The following UBE4B variants were observed in gnomAD, a reference collection of about 807,000 sequenced individuals.
The protein encoded by UBE4B is ubiquitination factor E4B.
UBE4B carries 27 observed loss-of-function variants against 148.1 expected under a neutral mutation model. The observed-to-expected ratio is 0.18, with a 90% CI of 0.13 to 0.25. The LOEUF is 0.25. Ranked by LOEUF, UBE4B falls within the 10% of genes least tolerant of loss-of-function variation. The probability of loss-of-function intolerance (pLI) is 1.00; values close to 1 mark genes in which losing one functional copy is unlikely to be tolerated. For synonymous variants in UBE4B, 596 were observed against 619.3 expected (o/e 0.96, Z 0.56); for missense variants, 1,170 against 1,662.4 (o/e 0.70, Z 5.15).
chr1:10,142,436 C>T (rs985767028), intron 17 of UBE4B, among the ~76,000 whole-genome samples: 6 of 152,118 alleles, frequency 3.9e-5, no homozygotes, highest in South Asian at 2.1e-4. Flanking sequence ...ACTGGGAGGC[C>T]GAGGTGGGCA....
intron 16 of UBE4B, 137 bp downstream of exon 16, chr1:10,135,323 A>G (rs1645661717): frequency 3.2e-6 from 3 of 950,756 alleles, no homozygotes; most frequent in Non-Finnish European, 4.7e-6. Context: ...TTAATACAGT[A>G]GGCCTGGCGT....
chr1:10,036,936 A>C (rs1238153409), intron 1 of UBE4B, among the ~76,000 whole-genome samples: 1 of 152,206 alleles, frequency 6.6e-6, no homozygotes, highest in Non-Finnish European at 1.5e-5. Context: ...AGTCCGTGAA[A>C]AAGGCTGGTA....
At chr1:10,081,664 C>A (rs1392289249) in intron 2 of UBE4B, among the ~76,000 whole-genome samples, 1 of 152,004 alleles carries the variant, frequency 6.6e-6, no homozygotes, top group Non-Finnish European at 1.5e-5. Context: ...TCTTGGCTCG[C>A]TGCAACCTCC....
At chr1:10,151,622 C>A in intron 21 of UBE4B, 61 bp downstream of exon 21, 1 of 1,432,534 alleles carries the variant, frequency 7.0e-7, no homozygotes, top group Non-Finnish European at 9.7e-7. Flanking sequence ...TCATCTAAAG[C>A]TAGTGGACGA....
chr1:10,047,745 G>A lies in UBE4B; in HGVS notation c.24+14051G>A, dbSNP rs1401971679. 2.6e-5 allele frequency among the ~76,000 whole-genome samples: 4 copies of A among 152,180 alleles called. No individual in the cohort carries two copies. The East Asian group carries it at 7.7e-4, about 29-fold the overall frequency. On this transcript the variant is annotated intron_variant, in intron 1 of 27. Coordinates refer to ENST00000343090, the MANE Select transcript of UBE4B (RefSeq NM_001105562.3). Reference sequence around the variant, plus strand: ...CTGACCTCATGACCCACCCGCCTCGGCCTCCCAGAGTGCTGGGATTACAGG... The same window carrying A: ...CTGACCTCATGACCCACCCGCCTCGACCTCCCAGAGTGCTGGGATTACAGG...
At chr1:10,078,199 G>A (rs953306271) in intron 2 of UBE4B, among the ~76,000 whole-genome samples, 1 of 152,048 alleles carries the variant, frequency 6.6e-6, no homozygotes, top group African/African-American at 2.4e-5. Context: ...AGTAGAGACA[G>A]GGTTTCACCA....
intron 19 of UBE4B, among the ~76,000 whole-genome samples, chr1:10,148,077 A>AT (rs35190028): frequency 2.0e-5 from 3 of 152,048 alleles, no homozygotes; most frequent in Non-Finnish European, 4.4e-5. Context: ...AATACAAAAA[A>AT]TTAGCTGGGC....
Position 10,105,505 on chromosome 1 carries a change from C to G in UBE4B, c.581-11C>G. 1 of 1,613,314 alleles carries G rather than the reference C, an allele frequency of 6.2e-7. No homozygotes were observed. The highest frequency in any genetic ancestry group is 1.1e-5 in the South Asian group (1 of 91,032). ...GTGTGTAACCTGTTCTTTGTTCTGC[C>G]TTTCCAACAGTATTCTCCGATTTTA... On this transcript the variant is annotated splice_polypyrimidine_tract_variant and intron_variant, in intron 5 of 27. Transcript: ENST00000343090.
chr1:10,117,450 T>C lies in UBE4B; in HGVS notation c.1197-9T>C. On this transcript the variant is annotated splice_polypyrimidine_tract_variant and intron_variant, in intron 7 of 27. Transcript: ENST00000343090. ...TAAGAATCAGAATTTCTTCTTGTCTTCTCTGAAGTTTGGGAGCCTCTGGTG... is the reference window on the plus strand; with the variant it reads ...TAAGAATCAGAATTTCTTCTTGTCTCCTCTGAAGTTTGGGAGCCTCTGGTG... 1 of 1,605,220 alleles carries C rather than the reference T, an allele frequency of 6.2e-7. No homozygotes were observed. Among genetic ancestry groups the C allele is most frequent in the African/African-American group, 1.3e-5 (1 of 74,426 alleles).
intron 1 of UBE4B, among the ~76,000 whole-genome samples, chr1:10,062,343 C>T (rs376425529): frequency 1.3e-5 from 2 of 151,642 alleles, no homozygotes; most frequent in African/African-American, 2.4e-5. Context: ...GGTGGAGTCT[C>T]GCTCTGTCGC....
At chr1:10,136,987 T>C (rs1645697601) in intron 16 of UBE4B, 80 bp from the exon 17 acceptor site, 1 of 1,436,948 alleles carries the variant, frequency 7.0e-7, no homozygotes, top group African/African-American at 1.4e-5. Context: ...TCAAATGTAA[T>C]TTTCTCTTCT....
At chr1:10,132,878 A>T (rs142251510) in intron 15 of UBE4B, among the ~76,000 whole-genome samples, 24 of 152,328 alleles carry the variant, frequency 1.6e-4, no homozygotes, top group Non-Finnish European at 3.1e-4. Flanking sequence ...CAGCTTTGGT[A>T]CAAGCCCAGC....
At position 10,180,790 on chromosome 1, in the gene UBE4B, A is replaced by G. The variant is rs1383817568; in HGVS notation, c.*834A>G. ...CTTATGTGACTTATATTTTGGGGAG[A>G]TGAGGGTTGGGTTTTTTTTTTAATG... On this transcript the variant is annotated 3_prime_UTR_variant, in exon 28 of 28. Transcript: ENST00000343090. 6.6e-6 allele frequency: 1 copy of G among 151,874 alleles called. No homozygotes were observed. The highest frequency in any genetic ancestry group is 1.9e-4 in the East Asian group (1 of 5,194). The allele number at this position is 151,874 out of a possible 1,614,324, so 9.4% of individuals were successfully genotyped here. A position where few individuals can be genotyped will look rare whatever the true frequency, so the allele number is the denominator to read the frequency against.
chr1:10,166,561 G>T (rs973918431), intron 23 of UBE4B, among the ~76,000 whole-genome samples: 3 of 152,058 alleles, frequency 2.0e-5, no homozygotes, highest in African/African-American at 7.2e-5. Context: ...GCCTAGGTGG[G>T]CAGATCAGTT....
chr1:10,110,478 C>T (rs1645199422), intron 7 of UBE4B, among the ~76,000 whole-genome samples: 1 of 151,952 alleles, frequency 6.6e-6, no homozygotes, highest in Non-Finnish European at 1.5e-5. Flanking sequence ...CTGTAACAGA[C>T]CTTCATATGT....
At chr1:10,173,937 T>G (rs1366971617) in intron 25 of UBE4B, among the ~76,000 whole-genome samples, 3 of 152,154 alleles carry the variant, frequency 2.0e-5, no homozygotes. Flanking sequence ...GGTCATGCCT[T>G]AGATTATGGT....
intron 7 of UBE4B, among the ~76,000 whole-genome samples, chr1:10,109,739 C>T (rs185093635): frequency 2.0e-5 from 3 of 152,174 alleles, no homozygotes; most frequent in Admixed American, 2.0e-4. Flanking sequence ...CAACCTCCAC[C>T]TCCTGGGTTT....
At chr1:10,146,892 C>T in intron 18 of UBE4B, 71 bp from the exon 19 acceptor site, 1 of 1,575,190 alleles carries the variant, frequency 6.3e-7, no homozygotes, top group Non-Finnish European at 8.7e-7. Flanking sequence ...TGGCCCCAGT[C>T]CCTGCCCAGT....
intron 1 of UBE4B, among the ~76,000 whole-genome samples, chr1:10,045,783 G>A (rs1433565855): frequency 6.6e-6 from 1 of 152,174 alleles, no homozygotes; most frequent in Non-Finnish European, 1.5e-5. Flanking sequence ...TCAAACACTA[G>A]ATGGTCAGAT....
Sources: gnomAD v4.1 joint callset for allele counts (sites outside exome capture counted in the v4.1 genomes callset) on GRCh38, gnomAD v4.1.1 for gene constraint, MANE v1.5 for transcripts, NCBI Gene and HGNC (gene_info 2026-07-23, HGNC 2026-07-21) for gene names.